The following TRAK1 variants were observed in gnomAD, a reference collection of about 807,000 sequenced individuals.
TRAK1 encodes trafficking kinesin protein 1.
A neutral mutation model predicts 92.1 loss-of-function variants in TRAK1; 33 were observed. That is an observed-to-expected ratio of 0.36 (90% confidence interval 0.27 to 0.48). TRAK1 has a LOEUF of 0.48. Among genes scored for constraint, TRAK1 ranks in the 20% least tolerant of loss-of-function variants. The pLI is 0.99. For synonymous variants in TRAK1, 521 were observed against 517.3 expected (o/e 1.01, Z -0.10); for missense variants, 1,123 against 1,257.9 (o/e 0.89, Z 1.62).
At chr3:42,037,037 A>G (rs1702352927) in intron 1 of TRAK1, among the ~76,000 whole-genome samples, 1 of 152,108 alleles carries the variant, frequency 6.6e-6, no homozygotes, top group Admixed American at 6.6e-5. Context: ...TATGTTGCCC[A>G]TGCTGATCTC....
intron 2 of TRAK1, among the ~76,000 whole-genome samples, chr3:42,165,913 A>G (rs1576736066): frequency 6.6e-6 from 1 of 152,012 alleles, no homozygotes; most frequent in Non-Finnish European, 1.5e-5. Flanking sequence ...AAGGCTGGCC[A>G]TGGACAAAGA....
At chr3:42,125,733 G>C in intron 2 of TRAK1, 119 bp downstream of exon 2, 1 of 1,161,390 alleles carries the variant, frequency 8.6e-7, no homozygotes, top group Non-Finnish European at 1.2e-6. Flanking sequence ...CTCTGGAAAG[G>C]TAGTCAAAGA....
intron 2 of TRAK1, among the ~76,000 whole-genome samples, chr3:42,138,828 C>T (rs1052274776): frequency 6.8e-6 from 1 of 146,090 alleles, no homozygotes; most frequent in Non-Finnish European, 1.5e-5. Flanking sequence ...GGAGTGTGGT[C>T]ATAATTTTAT....
At chr3:42,071,180 G>A (rs774361753) in intron 1 of TRAK1, among the ~76,000 whole-genome samples, 2 of 152,176 alleles carry the variant, frequency 1.3e-5, no homozygotes, top group Non-Finnish European at 2.9e-5. Context: ...TTCCTCCTAC[G>A]GAGTGAGTGC....
At chr3:42,033,471 C>T (rs1446750132) in intron 1 of TRAK1, among the ~76,000 whole-genome samples, 1 of 152,134 alleles carries the variant, frequency 6.6e-6, no homozygotes, top group Admixed American at 6.6e-5. Context: ...CGCCTGTGGT[C>T]TTAGCTATTG....
intron 1 of TRAK1, among the ~76,000 whole-genome samples, chr3:42,071,233 T>A (rs2148937794): frequency 6.6e-6 from 1 of 152,324 alleles, no homozygotes; most frequent in Middle Eastern, 3.4e-3. Flanking sequence ...ACAGAACTGT[T>A]CTCTTCCTCT....
At chr3:42,210,024 A>G (rs764951095) in intron 14 of TRAK1, 39 bp downstream of exon 14, 3 of 1,614,164 alleles carry the variant, frequency 1.9e-6, no homozygotes, top group Non-Finnish European at 2.5e-6. Flanking sequence ...CTCAGGCAGC[A>G]GAAGTTACCC....
In TRAK1 at chr3:42,032,480, G is replaced by GGAA. The variant is rs1425301715; in HGVS notation, c.-519+18363_-519+18364insGAA. ...AAATACACCCGGAGTGGGTCAACCT[G>GGAA]AAAAAAAAAAAAAAAACCATCTTTG... is the stretch of plus-strand genomic sequence containing the variant. On this transcript the variant is annotated intron_variant, in intron 1 of 16. Transcript: ENST00000487159. 6.2e-3 allele frequency among the ~76,000 whole-genome samples: 744 copies of GGAA among 120,896 alleles called. 6 individuals carry two copies. The highest frequency in any genetic ancestry group is 0.019 in the African/African-American group (683 of 36,126). 79.3% of individuals were successfully genotyped at this position (120,896 alleles called of 152,430 possible). A position where few individuals can be genotyped will look rare whatever the true frequency, so the allele number is the denominator to read the frequency against.
intron 1 of TRAK1, among the ~76,000 whole-genome samples, chr3:42,039,084 C>T (rs74532119): frequency 0.014 from 2,184 of 152,086 alleles, 65 homozygotes; most frequent in East Asian, 0.14. Flanking sequence ...ATAGTCAATC[C>T]TCCCTCCCTC....
intron 1 of TRAK1, among the ~76,000 whole-genome samples, chr3:42,120,167 C>G (rs1476886299): frequency 6.6e-6 from 1 of 152,176 alleles, no homozygotes; most frequent in African/African-American, 2.4e-5. Flanking sequence ...GGGTAAGCCT[C>G]TCCTTATGGT....
chr3:42,132,267 ATT>A (rs555637474), intron 2 of TRAK1, among the ~76,000 whole-genome samples: 2 of 118,238 alleles, frequency 1.7e-5, no homozygotes, highest in Non-Finnish European at 1.8e-5. Flanking sequence ...TGTTTGGTGT[ATT>A]TTTTTTTTTT....
rs534069457 is a variant in TRAK1 at position 42,162,426 on chromosome 3, T to A, written c.287-14388T>A. Among the ~76,000 whole-genome samples, 6 of 152,220 alleles carry A rather than the reference T, an allele frequency of 3.9e-5. No individual in the cohort carries two copies. In the South Asian group the frequency reaches 8.3e-4, roughly 21 times the overall value. On this transcript the variant is annotated intron_variant, in intron 2 of 15. Coordinates refer to ENST00000327628, the MANE Select transcript of TRAK1 (RefSeq NM_001042646.3). ...AATCACAGTTTATTCTGATCCAGGCTTGAGGACTTGAGCCCAGGAACACAG... is the reference window on the plus strand; with the variant it reads ...AATCACAGTTTATTCTGATCCAGGCATGAGGACTTGAGCCCAGGAACACAG...
At chr3:42,113,477 G>A (rs889417506) in intron 1 of TRAK1, among the ~76,000 whole-genome samples, 18 of 148,636 alleles carry the variant, frequency 1.2e-4, no homozygotes, top group Admixed American at 6.0e-4. Flanking sequence ...AGGCTGGAGC[G>A]CAGTGGCATG....
chr3:42,036,781 C>A (rs967777395), intron 1 of TRAK1, among the ~76,000 whole-genome samples: 14 of 152,080 alleles, frequency 9.2e-5, no homozygotes, highest in Admixed American at 7.9e-4. Context: ...GACAGGGTCT[C>A]GCTCTGTCAC....
intron 6 of TRAK1, among the ~76,000 whole-genome samples, chr3:42,189,564 G>A (rs577778949): frequency 3.0e-4 from 45 of 151,896 alleles, no homozygotes; most frequent in African/African-American, 4.1e-4. Context: ...ATGGAGTCTC[G>A]CTATGTCACC....
rs397989329 is a variant in TRAK1, at chr3:42,018,087, C to CAAAA, written c.-519+3985_-519+3988dup. 1.7e-3 allele frequency among the ~76,000 whole-genome samples: 191 copies of CAAAA among 114,250 alleles called. 3 individuals are homozygous for CAAAA. Among genetic ancestry groups the CAAAA allele is most frequent in the African/African-American group, 5.7e-3 (163 of 28,530 alleles). 75.0% of individuals were successfully genotyped at this position (114,250 alleles called of 152,430 possible). On this transcript the variant is annotated intron_variant, in intron 1 of 16. Coordinates refer to the TRAK1 transcript ENST00000487159. ...GCAACATAGTGAGACCTCATTGTTA[C>CAAAA]AAAAAAAAAAAAAAAAAAGACAAAA...
At chr3:42,082,035 T>C (rs895980491) in intron 1 of TRAK1, among the ~76,000 whole-genome samples, 5 of 152,336 alleles carry the variant, frequency 3.3e-5, no homozygotes, top group Non-Finnish European at 2.9e-5. Flanking sequence ...GTGGCTTGTG[T>C]TTCCCTTTTG....
intron 1 of TRAK1, among the ~76,000 whole-genome samples, chr3:42,115,408 C>T (rs1329007769): frequency 1.3e-5 from 2 of 152,132 alleles, no homozygotes; most frequent in South Asian, 2.1e-4. Flanking sequence ...GCCCTTTAGC[C>T]TCACGTCGGA....
chr3:42,045,646 C>G (rs962258555), intron 1 of TRAK1, among the ~76,000 whole-genome samples: 2 of 152,236 alleles, frequency 1.3e-5, no homozygotes, highest in Non-Finnish European at 2.9e-5. Flanking sequence ...TGCGTAAGCT[C>G]TGGCTGCTGA....
Sources: allele counts gnomAD v4.1 joint callset (sites outside exome capture counted in the v4.1 genomes callset), GRCh38; gene constraint gnomAD v4.1.1; transcripts MANE v1.5; gene names NCBI Gene and HGNC (gene_info 2026-07-23, HGNC 2026-07-21).